CD2AP: variants seen among roughly 807,000 people sequenced by gnomAD.
CD2AP encodes the protein CD2 associated protein, also known as CD2-associated protein.
Under a neutral mutation model 85.1 loss-of-function variants are expected in CD2AP, and 46 were observed. The ratio of observed to expected loss-of-function variants is 0.54; its 90% CI spans 0.43 to 0.69. The LOEUF is 0.69. CD2AP is among the 30% of genes least tolerant of loss of function. CD2AP has a pLI of 0.00. For missense variants in CD2AP, 769 were observed against 729.5 expected, an observed-to-expected ratio of 1.05 and a Z score of -0.62; for synonymous variants, 255 against 252.9, an observed-to-expected ratio of 1.01 and a Z score of -0.08.
intron 5 of CD2AP, among the ~76,000 whole-genome samples, chr6:47,557,274 T>C (rs939155269): frequency 2.6e-5 from 4 of 151,958 alleles, no homozygotes; most frequent in Non-Finnish European, 4.4e-5. Context: ...ATTCTGTAGG[T>C]TGCCTGTTCA....
At position 47,609,175 on chromosome 6, in the gene CD2AP, C is replaced by A. The variant is rs1331742354; in HGVS notation, c.1685C>A (p.Ala562Asp). Residue 562 changes from alanine to aspartate, a missense_variant, in exon 16 of 18, where the codon GCT (alanine) becomes GAT (aspartate). Ala to Asp is a moderately radical substitution (Grantham distance 126). Coordinates refer to ENST00000359314, the MANE Select transcript of CD2AP (RefSeq NM_012120.3). ...AGTGCTTCTAAAGCAAATACAACTG[C>A]TTTCCTGACTCCATTAGAAATCAAA... ...PSSASKANTT[A>D]FLTPLEIKAK... The A allele has an allele frequency of 6.2e-7, 1 of 1,613,344 alleles. No individual in the cohort carries two copies.
At chr6:47,500,974 C>T (rs1765983163) in intron 1 of CD2AP, among the ~76,000 whole-genome samples, 1 of 152,202 alleles carries the variant, frequency 6.6e-6, no homozygotes, top group South Asian at 2.1e-4. Context: ...GTCTTGATCT[C>T]CTGACCTTGT....
chr6:47,489,258 C>T (rs974687671), intron 1 of CD2AP: 3 of 151,194 alleles, frequency 2.0e-5, no homozygotes, highest in Non-Finnish European at 2.9e-5. Context: ...ACCTCCACCT[C>T]CTGGGTTCAA....
At chr6:47,560,968 T>C (rs923253599) in intron 5 of CD2AP, among the ~76,000 whole-genome samples, 1 of 152,212 alleles carries the variant, frequency 6.6e-6, no homozygotes, top group Non-Finnish European at 1.5e-5. Context: ...AGACAAACTT[T>C]TGTCTTTCTC....
chr6:47,570,528 G>T (rs751471837), intron 5 of CD2AP, among the ~76,000 whole-genome samples: 1 of 27,564 alleles, frequency 3.6e-5, no homozygotes, highest in African/African-American at 1.2e-4. Flanking sequence ...CTTTCTCCTT[G>T]CTCCTTATCC....
intron 1 of CD2AP, among the ~76,000 whole-genome samples, chr6:47,486,443 G>A (rs574500344): frequency 6.6e-6 from 1 of 152,236 alleles, no homozygotes; most frequent in Admixed American, 6.5e-5. Context: ...AGAGAGTATA[G>A]GGTCAGTGTC....
intron 2 of CD2AP, among the ~76,000 whole-genome samples, chr6:47,504,291 G>C (rs1327652194): frequency 2.0e-5 from 3 of 152,186 alleles, no homozygotes; most frequent in Non-Finnish European, 4.4e-5. Flanking sequence ...TATCTCATTT[G>C]CTTGTCCAGC....
At chr6:47,571,150 A>C (rs1434435445) in intron 5 of CD2AP, among the ~76,000 whole-genome samples, 1 of 152,122 alleles carries the variant, frequency 6.6e-6, no homozygotes, top group Non-Finnish European at 1.5e-5. Flanking sequence ...CATTTTAAAA[A>C]TGCCTTTTAG....
intron 12 of CD2AP, among the ~76,000 whole-genome samples, chr6:47,597,582 A>T (rs1768986045): frequency 6.6e-6 from 1 of 151,004 alleles, no homozygotes; most frequent in Non-Finnish European, 1.5e-5. Context: ...GCAGATGATG[A>T]TCCAGGAGCA....
intron 17 of CD2AP, among the ~76,000 whole-genome samples, chr6:47,617,892 G>A (rs760909944): frequency 3.3e-5 from 5 of 152,076 alleles, no homozygotes; most frequent in Admixed American, 1.3e-4. Flanking sequence ...TGATAAGTCC[G>A]AATTTTTATT....
At chr6:47,526,991 T>C (rs1168421399) in intron 2 of CD2AP, among the ~76,000 whole-genome samples, 1 of 152,186 alleles carries the variant, frequency 6.6e-6, no homozygotes, top group African/African-American at 2.4e-5. Context: ...CAAAGTAATT[T>C]TCTTATGTGC....
intron 14 of CD2AP, 74 bp from the exon 15 acceptor site, chr6:47,607,853 T>G: frequency 3.1e-6 from 3 of 970,648 alleles, no homozygotes; most frequent in Non-Finnish European, 3.2e-6. Flanking sequence ...GTTATTTGCT[T>G]TATTATCCAA....
intron 1 of CD2AP, among the ~76,000 whole-genome samples, chr6:47,498,380 ATTG>A (rs1258662153): frequency 7.2e-5 from 11 of 152,100 alleles, no homozygotes; most frequent in African/African-American, 2.4e-4. Flanking sequence ...AGGATCGTTT[ATTG>A]TTATTATGAA....
intron 17 of CD2AP, 88 bp from the exon 18 acceptor site, chr6:47,624,098 G>C: frequency 9.3e-7 from 1 of 1,081,000 alleles, no homozygotes. Flanking sequence ...AGGCTTGAAA[G>C]TATGATCACA....
intron 3 of CD2AP, among the ~76,000 whole-genome samples, chr6:47,534,108 G>A (rs1243060025): frequency 6.6e-6 from 1 of 152,178 alleles, no homozygotes; most frequent in Non-Finnish European, 1.5e-5. Context: ...AATTTTGATA[G>A]TGCTTTTTCT....
intron 4 of CD2AP, among the ~76,000 whole-genome samples, chr6:47,549,931 A>T (rs1334327820): frequency 1.3e-5 from 2 of 152,210 alleles, no homozygotes; most frequent in East Asian, 3.8e-4. Context: ...CTGATCTTCG[A>T]CAAAGCAAAC....
intron 1 of CD2AP, among the ~76,000 whole-genome samples, chr6:47,482,967 G>A (rs754526716): frequency 1.3e-5 from 2 of 152,172 alleles, no homozygotes; most frequent in Admixed American, 6.5e-5. Flanking sequence ...TGAGAATTGG[G>A]TGGAGCTGCA....
intron 17 of CD2AP, among the ~76,000 whole-genome samples, chr6:47,616,368 A>G (rs1769586874): frequency 1.4e-5 from 2 of 147,656 alleles, no homozygotes; most frequent in Admixed American, 6.7e-5. Flanking sequence ...TACTGGGATT[A>G]CAGGCATGAG....
intron 11 of CD2AP, among the ~76,000 whole-genome samples, chr6:47,590,120 A>G (rs966299799): frequency 6.6e-6 from 1 of 152,128 alleles, no homozygotes; most frequent in Non-Finnish European, 1.5e-5. Context: ...GATAGATATG[A>G]CACATGGCTA....
Sources: gnomAD v4.1 joint callset for allele counts (sites outside exome capture counted in the v4.1 genomes callset) on GRCh38, gnomAD v4.1.1 for gene constraint, MANE v1.5 for transcripts, NCBI Gene and HGNC (gene_info 2026-07-23, HGNC 2026-07-21) for gene names.